Variants in WDR43 observed in about 807,000 individuals in gnomAD.
The protein encoded by WDR43 is WD repeat-containing protein 43.
In WDR43, 13 loss-of-function variants were observed where a neutral mutation model predicts 91.4. The ratio of observed to expected loss-of-function variants is 0.14; its 90% CI spans 0.09 to 0.23. WDR43 has a LOEUF of 0.23. Ranked by LOEUF, WDR43 falls within the 10% of genes least tolerant of loss-of-function variation. The probability of loss-of-function intolerance (pLI) is 1.00; values close to 1 mark genes in which losing one functional copy is unlikely to be tolerated. For synonymous variants in WDR43, 331 were observed against 287.9 expected (o/e 1.15, Z -1.51); for missense variants, 780 against 809.4 (o/e 0.96, Z 0.44).
At chr2:28,935,091 A>T (rs993943773) in intron 11 of WDR43, among the ~76,000 whole-genome samples, 2 of 152,158 alleles carry the variant, frequency 1.3e-5, no homozygotes, top group Non-Finnish European at 1.5e-5. Context: ...TTGGCATAAA[A>T]TTTTACCAAA....
In WDR43 at chr2:28,914,065, C is replaced by T. The variant is rs750701599; in HGVS notation, c.607-4C>T. On this transcript the variant is annotated splice_region_variant and splice_polypyrimidine_tract_variant and intron_variant, in intron 4 of 17. Coordinates refer to ENST00000407426, the MANE Select transcript of WDR43 (RefSeq NM_015131.3). Reference sequence around the variant, plus strand: ...TCTCCTAACTGAGATTTAACTTTCTCTAGCATTTCACAGGACATGCAACGC... The same window carrying T: ...TCTCCTAACTGAGATTTAACTTTCTTTAGCATTTCACAGGACATGCAACGC... The T allele has an allele frequency of 1.2e-5, 19 of 1,612,750 alleles. No individual in the cohort carries two copies. Among genetic ancestry groups the T allele is most frequent in the South Asian group, 3.3e-5 (3 of 90,766 alleles).
chr2:28,944,261 A>G (rs1671501105), intron 16 of WDR43, among the ~76,000 whole-genome samples: 1 of 127,818 alleles, frequency 7.8e-6, no homozygotes, highest in Non-Finnish European at 1.6e-5. Context: ...GTGCTGCCGA[A>G]GAGAGCACAG....
intron 2 of WDR43, among the ~76,000 whole-genome samples, chr2:28,904,550 A>G (rs1226111388): frequency 6.6e-6 from 1 of 152,202 alleles, no homozygotes; most frequent in Non-Finnish European, 1.5e-5. Flanking sequence ...AAGGCTAAAC[A>G]CATTGCTACA....
intron 14 of WDR43, 127 bp from the exon 15 acceptor site, chr2:28,941,334 C>T (rs1671431749): frequency 3.2e-6 from 2 of 619,332 alleles, no homozygotes; most frequent in Non-Finnish European, 5.6e-6. Context: ...TAGCCACTGC[C>T]ACTGGGAGTA....
At chr2:28,942,283 C>A in intron 15 of WDR43, 29 bp from the exon 16 acceptor site, 1 of 1,606,222 alleles carries the variant, frequency 6.2e-7, no homozygotes, top group Middle Eastern at 1.7e-4. Context: ...TTACACTCTA[C>A]TTCAGAACAG....
At chr2:28,938,709 G>C (rs756171487) in intron 14 of WDR43, among the ~76,000 whole-genome samples, 9 of 152,168 alleles carry the variant, frequency 5.9e-5, no homozygotes, top group Non-Finnish European at 1.3e-4. Context: ...ACAGTCCCTT[G>C]TTCTCTGTCA....
intron 2 of WDR43, among the ~76,000 whole-genome samples, chr2:28,902,546 A>G (rs1471091041): frequency 6.6e-6 from 1 of 152,240 alleles, no homozygotes; most frequent in African/African-American, 2.4e-5. Context: ...TCGAGACTTC[A>G]AACTGAGAAG....
chr2:28,910,663 G>A (rs1670776328), intron 3 of WDR43, among the ~76,000 whole-genome samples: 1 of 112,876 alleles, frequency 8.9e-6, no homozygotes, highest in African/African-American at 2.9e-5. Flanking sequence ...CAGATAACGT[G>A]CGTGTGTGTG....
At chr2:28,924,886 AG>A in intron 7 of WDR43, 95 bp from the exon 8 acceptor site, 1 of 1,446,172 alleles carries the variant, frequency 6.9e-7, no homozygotes, top group Non-Finnish European at 9.4e-7. Flanking sequence ...TAGAGGCTAG[AG>A]GGGGGTCACA....
intron 2 of WDR43, among the ~76,000 whole-genome samples, chr2:28,903,501 G>A (rs1471021045): frequency 6.6e-6 from 1 of 152,112 alleles, no homozygotes; most frequent in Admixed American, 6.5e-5. Flanking sequence ...ATTTGGTAGA[G>A]GAATATTTTA....
At chr2:28,925,227 A>C in intron 8 of WDR43, 74 bp downstream of exon 8, 1 of 1,307,232 alleles carries the variant, frequency 7.6e-7, no homozygotes, top group Non-Finnish European at 1.0e-6. Context: ...TTTAAAAATA[A>C]CAACATTGGT....
intron 14 of WDR43, among the ~76,000 whole-genome samples, chr2:28,939,360 C>T (rs538849519): frequency 2.0e-5 from 3 of 152,212 alleles, no homozygotes; most frequent in East Asian, 1.9e-4. Flanking sequence ...AGGAGAGACC[C>T]GGGAGATCTT....
intron 6 of WDR43, among the ~76,000 whole-genome samples, chr2:28,920,838 G>A (rs1433873434): frequency 6.6e-6 from 1 of 151,158 alleles, no homozygotes; most frequent in South Asian, 2.1e-4. Context: ...CATCACGCCC[G>A]GCTAATTTTT....
rs1429441602 is a variant in WDR43 at position 28,928,607 on chromosome 2, C to T, written c.1305+907C>T. On this transcript the variant is annotated intron_variant, in intron 10 of 17. Transcript: ENST00000407426. ...AAATTTCTTTTTGATAACCAAGAGG[C>T]TGACAGAACATGTTAGACTTGATTT... Among the ~76,000 whole-genome samples the T allele has an allele frequency of 5.3e-5, 8 of 152,164 alleles. No individual in the cohort carries two copies. The East Asian group carries it at 1.5e-3, about 29-fold the overall frequency.
At chr2:28,930,171 T>G (rs919356293) in intron 11 of WDR43, 2 of 468,480 alleles carry the variant, frequency 4.3e-6, no homozygotes, top group Admixed American at 4.7e-5. Flanking sequence ...GGGGGAAAAT[T>G]CAAGAGGGTT....
chr2:28,935,482 C>G (rs769633387), intron 11 of WDR43, 39 bp from the exon 12 acceptor site: 2 of 1,401,088 alleles, frequency 1.4e-6, no homozygotes, highest in African/African-American at 2.9e-5. Context: ...CTTGGTTTGT[C>G]AGTATGCTCA....
At chr2:28,936,421 A>G (rs1671338219) in intron 12 of WDR43, among the ~76,000 whole-genome samples, 2 of 152,312 alleles carry the variant, frequency 1.3e-5, no homozygotes, top group South Asian at 4.1e-4. Flanking sequence ...TTAAAAAAGC[A>G]GTGTCTTGTA....
At position 28,925,021 on chromosome 2, in the gene WDR43, G is replaced by C; in HGVS notation, c.954G>C (p.Gln318His). Residue 318 changes from glutamine (Q) to histidine (H), a missense_variant, in exon 8 of 18, where the codon CAG (glutamine) becomes CAC (histidine). Physicochemically the swap from Gln to His is conservative, Grantham distance 24 (BLOSUM62 0). Transcript: ENST00000407426. ...KKPLTSNCTI[Q>H]IATPGKGKKS... ...CTTTGACTTCAAACTGCACAATTCA[G>C]ATAGCAACACCTGGGAAAGGCAAGA... 2 of 1,613,812 alleles carry C rather than the reference G, an allele frequency of 1.2e-6. No homozygotes were observed. Among genetic ancestry groups the C allele is most frequent in the Non-Finnish European group, 1.7e-6 (2 of 1,179,824 alleles).
chr2:28,903,612 T>C (rs2148179270), intron 2 of WDR43, among the ~76,000 whole-genome samples: 1 of 152,180 alleles, frequency 6.6e-6, no homozygotes, highest in East Asian at 1.9e-4. Flanking sequence ...CATTCAGAGA[T>C]CCATCTCAAG....
Sources: allele counts gnomAD v4.1 joint callset (sites outside exome capture counted in the v4.1 genomes callset), GRCh38; gene constraint gnomAD v4.1.1; transcripts MANE v1.5; gene names NCBI Gene and HGNC (gene_info 2026-07-23, HGNC 2026-07-21).